The following CRISP2 variants were observed in gnomAD, a reference collection of about 807,000 sequenced individuals.
CRISP2 encodes the protein cysteine-rich secretory protein 2.
A neutral mutation model predicts 31.7 loss-of-function variants in CRISP2; 29 were observed. That is an observed-to-expected ratio of 0.92 (90% CI 0.68 to 1.25). The LOEUF is 1.25. Ranked by LOEUF, CRISP2 falls within the 50% of genes most tolerant of loss-of-function variation. The pLI, the probability that CRISP2 is intolerant of heterozygous loss-of-function variation, is 0.00. For missense variants in CRISP2, 318 were observed against 286.5 expected, an observed-to-expected ratio of 1.11 and a Z score of -0.79; for synonymous variants, 111 against 101.4, an observed-to-expected ratio of 1.09 and a Z score of -0.57.
chr6:49,679,121 T>C, the CRISP2 span, among the ~76,000 whole-genome samples: 1 of 152,196 alleles, frequency 6.6e-6, no homozygotes, highest in Non-Finnish European at 1.5e-5. Flanking sequence ...AAAGGCAATT[T>C]AGATTTGCAT....
chr6:49,686,356 CAAT>C, the CRISP2 span, among the ~76,000 whole-genome samples: 1 of 152,060 alleles, frequency 6.6e-6, no homozygotes, highest in Non-Finnish European at 1.5e-5. Context: ...CTTGGAACAA[CAAT>C]ATGAAATTGC....
chr6:49,683,207 T>C, the CRISP2 span, among the ~76,000 whole-genome samples: 4 of 149,500 alleles, frequency 2.7e-5, no homozygotes, highest in Middle Eastern at 3.2e-3. Context: ...AATAGAGACA[T>C]GCAGTGTATA....
At chr6:49,683,396 C>T in the CRISP2 span, among the ~76,000 whole-genome samples, 20 of 151,056 alleles carry the variant, frequency 1.3e-4, no homozygotes, top group East Asian at 3.3e-3. Context: ...TAGAAACAGC[C>T]GGGCGCAGTG....
the CRISP2 span, among the ~76,000 whole-genome samples, chr6:49,682,587 T>TTC: frequency 0.025 from 2,036 of 82,858 alleles, 29 homozygotes; most frequent in East Asian, 0.055. Context: ...CTTTCTTTCT[T>TTC]TTTCTTTCTT....
chr6:49,704,223 A>G (rs1766602082), intron 4 of CRISP2, among the ~76,000 whole-genome samples: 1 of 151,108 alleles, frequency 6.6e-6, no homozygotes, highest in African/African-American at 2.4e-5. Flanking sequence ...TTTATTTGTG[A>G]TATTTATTTT....
intron 3 of CRISP2, among the ~76,000 whole-genome samples, chr6:49,709,987 C>G (rs1464044109): frequency 6.6e-6 from 1 of 152,100 alleles, no homozygotes. Context: ...ACAACAAGAC[C>G]ACTTAGTTTT....
At chr6:49,677,387 T>C in the CRISP2 span, among the ~76,000 whole-genome samples, 6 of 152,180 alleles carry the variant, frequency 3.9e-5, no homozygotes, top group Non-Finnish European at 7.4e-5. Flanking sequence ...ACTAAACTTT[T>C]ATGATTCCTT....
chr6:49,701,500 G>GTATATA lies in CRISP2; in HGVS notation c.67-722_67-717dup, dbSNP rs1165518459. Among the ~76,000 whole-genome samples the GTATATA allele has an allele frequency of 1.1e-3, 51 of 46,546 alleles. 2 individuals are homozygous for GTATATA. Among genetic ancestry groups the GTATATA allele is most frequent in the African/African-American group, 1.7e-3 (17 of 9,736 alleles). The allele number at this position is 46,546 out of a possible 152,430, so 30.5% of individuals were successfully genotyped here. ...AGCAGTATTACGTGTGTGTGTGTGT[G>GTATATA]TATATATATATATATATATATATAT... On this transcript the variant is annotated intron_variant, in intron 4 of 9. Transcript: ENST00000339139.
chr6:49,707,549 G>C (rs1767285017), intron 4 of CRISP2, among the ~76,000 whole-genome samples: 1 of 152,174 alleles, frequency 6.6e-6, no homozygotes, highest in East Asian at 1.9e-4. Flanking sequence ...ATTGGAAACA[G>C]GTATGAAAGA....
chr6:49,692,000 C>A (rs144923895), downstream of CRISP2, among the ~76,000 whole-genome samples: 895 of 152,052 alleles, frequency 5.9e-3, 7 homozygotes, highest in African/African-American at 0.02. Flanking sequence ...CGTTACCAAC[C>A]TAATATTGAT....
chr6:49,698,599 C>A, intron 6 of CRISP2, 92 bp from the exon 7 acceptor site: 1 of 1,296,322 alleles, frequency 7.7e-7, no homozygotes, highest in Non-Finnish European at 1.1e-6. Flanking sequence ...CTTTCAAACC[C>A]AGGGTCCAGC....
At chr6:49,704,222 G>A (rs1014287994) in intron 4 of CRISP2, among the ~76,000 whole-genome samples, 1 of 151,674 alleles carries the variant, frequency 6.6e-6, no homozygotes, top group Non-Finnish European at 1.5e-5. Flanking sequence ...TTTTATTTGT[G>A]ATATTTATTT....
chr6:49,685,177 T>C, the CRISP2 span, among the ~76,000 whole-genome samples: 15 of 152,334 alleles, frequency 9.8e-5, no homozygotes, highest in East Asian at 7.7e-4. Context: ...ACACTTCATA[T>C]GAGCAGCATG....
intron 9 of CRISP2, 30 bp downstream of exon 9, chr6:49,695,806 A>T: frequency 7.3e-7 from 1 of 1,377,408 alleles, no homozygotes; most frequent in Non-Finnish European, 1.0e-6. Context: ...TCTATAATAA[A>T]TAATAGCAAG....
intron 4 of CRISP2, among the ~76,000 whole-genome samples, chr6:49,708,056 A>T (rs1767374972): frequency 1.3e-5 from 2 of 152,118 alleles, no homozygotes; most frequent in African/African-American, 4.8e-5. Context: ...TACCCTAACT[A>T]TACAAATTAA....
At chr6:49,709,019 C>T (rs1301126551) in intron 4 of CRISP2, 112 bp downstream of exon 4, 1 of 845,616 alleles carries the variant, frequency 1.2e-6, no homozygotes, top group African/African-American at 1.7e-5. Context: ...AACTCTGAAC[C>T]AGTGGAAACT....
chr6:49,690,368 G>A (rs1024230527), downstream of CRISP2, among the ~76,000 whole-genome samples: 1 of 152,044 alleles, frequency 6.6e-6, no homozygotes, highest in East Asian at 1.9e-4. Context: ...AGAGGAAGGA[G>A]TAATTTCATA....
At chr6:49,681,233 C>T in the CRISP2 span, among the ~76,000 whole-genome samples, 1 of 152,132 alleles carries the variant, frequency 6.6e-6, no homozygotes, top group Non-Finnish European at 1.5e-5. Context: ...TACCCCAGCA[C>T]CATTTATTGA....
the CRISP2 span, among the ~76,000 whole-genome samples, chr6:49,682,721 CTCTT>C: frequency 1.4e-4 from 19 of 134,466 alleles, no homozygotes; most frequent in Non-Finnish European, 2.4e-4. Context: ...CTTTCTTTTT[CTCTT>C]TCTTTTTCTT....
Sources: gnomAD v4.1 joint callset for allele counts (sites outside exome capture counted in the v4.1 genomes callset) on GRCh38, gnomAD v4.1.1 for gene constraint, MANE v1.5 for transcripts, NCBI Gene and HGNC (gene_info 2026-07-23, HGNC 2026-07-21) for gene names.